The following MYO9B variants were observed in gnomAD, a reference collection of about 807,000 sequenced individuals.
MYO9B encodes unconventional myosin-IXb.
A neutral mutation model predicts 229.5 loss-of-function variants in MYO9B; 71 were observed. The ratio of observed to expected loss-of-function variants is 0.31; its 90% CI spans 0.26 to 0.38. The LOEUF is 0.38. Ranked by LOEUF, MYO9B falls within the 10% of genes least tolerant of loss-of-function variation. The probability of loss-of-function intolerance (pLI) is 1.00; values close to 1 mark genes in which losing one functional copy is unlikely to be tolerated. For missense variants in MYO9B, 2,255 were observed against 2,920.5 expected, an observed-to-expected ratio of 0.77 and a Z score of 5.25; for synonymous variants, 1,185 against 1,235.8, an observed-to-expected ratio of 0.96 and a Z score of 0.86.
At chr19:17,174,349 ATCGGTCTGCCAGGTGCAGTGGC>A (rs1405531968) in intron 13 of MYO9B, among the ~76,000 whole-genome samples, 1 of 151,968 alleles carries the variant, frequency 6.6e-6, no homozygotes, top group Non-Finnish European at 1.5e-5. Flanking sequence ...GCTTTTTAAG[ATCGGTCTGCCAGGTGCAGTGGC>A]TCAAGCCTGA....
At chr19:17,188,993 CA>C (rs34367144) in intron 19 of MYO9B, among the ~76,000 whole-genome samples, 81,695 of 126,364 alleles carry the variant, frequency 0.65, 24,632 homozygotes, top group East Asian at 0.74. Flanking sequence ...ACTAAAAATA[CA>C]AAAAAAAAAA....
intron 11 of MYO9B, among the ~76,000 whole-genome samples, chr19:17,169,879 C>T (rs927443084): frequency 7.1e-6 from 1 of 141,678 alleles, no homozygotes; most frequent in Non-Finnish European, 1.5e-5. Flanking sequence ...GGTAGTGGCG[C>T]CATCTTGGCT....
chr19:17,191,748 G>T (rs2072987460), intron 20 of MYO9B, among the ~76,000 whole-genome samples: 2 of 152,066 alleles, frequency 1.3e-5, no homozygotes, highest in Admixed American at 1.3e-4. Flanking sequence ...GGCTGAGGTG[G>T]GAGGATCCCT....
chr19:17,209,740 T>A, intron 36 of MYO9B, 31 bp downstream of exon 36: 1 of 1,610,822 alleles, frequency 6.2e-7, no homozygotes, highest in South Asian at 1.1e-5. Context: ...GGGCGGGACC[T>A]CTTTGGTGGG....
Position 17,101,830 on chromosome 19 carries a change from C to T in MYO9B, c.113C>T (p.Ala38Val). 1.2e-6 allele frequency: 2 copies of T among 1,610,602 alleles called. No homozygotes were observed. Among genetic ancestry groups the T allele is most frequent in the Non-Finnish European group, 8.5e-7 (1 of 1,179,458 alleles). Residue 38 changes from alanine to valine, a missense_variant, in exon 2 of 40, where the codon GCC (alanine) becomes GTC (valine). Ala to Val is a moderately conservative substitution (Grantham distance 64). Transcript: ENST00000682292. The surrounding 1 kb of genome is among the most constrained non-coding windows in gnomAD (Gnocchi z 4.7). Reference sequence around the variant, plus strand: ...AGCCAGGCCTCGTGCCGCGTGACTGCCACCAAGGACAGCACCACCTCGGAC... The same window carrying T: ...AGCCAGGCCTCGTGCCGCGTGACTGTCACCAAGGACAGCACCACCTCGGAC... ...TESQASCRVT[A>V]TKDSTTSDVI...
intron 1 of MYO9B, among the ~76,000 whole-genome samples, chr19:17,080,627 GGAGGCTGAGGCAGGAGGATCACTT>G (rs2057525881): frequency 6.6e-6 from 1 of 152,116 alleles, no homozygotes; most frequent in African/African-American, 2.4e-5. Flanking sequence ...CAGCCCTTTG[GGAGGCTGAGGCAGGAGGATCACTT>G]GAGGCCAGGA....
At position 17,202,043 on chromosome 19, in the gene MYO9B, T is replaced by G. The variant is rs746546183; in HGVS notation, c.4662+19T>G. 4.3e-6 allele frequency: 7 copies of G among 1,611,214 alleles called. No homozygotes were observed. ...TGTCCCGGTATGTGGCGGCCCGGCC[T>G]TCAGCCTTTCCCATACCCTGCTCAG... On this transcript the variant is annotated intron_variant, in intron 27 of 39. Coordinates refer to ENST00000682292, the MANE Select transcript of MYO9B (RefSeq NM_004145.4).
At chr19:17,084,820 G>A (rs550743859) in intron 1 of MYO9B, among the ~76,000 whole-genome samples, 13 of 151,630 alleles carry the variant, frequency 8.6e-5, no homozygotes, top group South Asian at 8.4e-4. Context: ...CAAAACAATC[G>A]CTTGAACCCG....
At position 17,206,169 on chromosome 19, in the gene MYO9B, G is replaced by A; in HGVS notation, c.5257+17G>A. On this transcript the variant is annotated intron_variant, in intron 32 of 39. Transcript: ENST00000682292. ...TGCAGACAGGTGGGCGCTGTGGGCA[G>A]GTGGGTGCAGTGCCAGGCCCCAGGC... The A allele has an allele frequency of 2.5e-6, 4 of 1,609,368 alleles. No individual in the cohort carries two copies. Among genetic ancestry groups the A allele is most frequent in the Non-Finnish European group, 3.4e-6 (4 of 1,178,924 alleles).
intron 2 of MYO9B, among the ~76,000 whole-genome samples, chr19:17,133,457 T>C (rs2072228434): frequency 6.6e-6 from 1 of 152,000 alleles, no homozygotes; most frequent in African/African-American, 2.4e-5. Context: ...GTATTCTACT[T>C]TCTACTTCCG....
At chr19:17,194,436 C>A in intron 21 of MYO9B, 120 bp from the exon 22 acceptor site, 1 of 1,108,232 alleles carries the variant, frequency 9.0e-7, no homozygotes, top group Non-Finnish European at 1.3e-6. Flanking sequence ...TCTCTCAGGG[C>A]CACTGGGCAC....
intron 1 of MYO9B, among the ~76,000 whole-genome samples, chr19:17,099,890 G>T (rs1257643890): frequency 6.6e-6 from 1 of 151,254 alleles, no homozygotes; most frequent in Non-Finnish European, 1.5e-5. Flanking sequence ...GGCCGAGGAG[G>T]ATGGATCACC....
chr19:17,212,995 A>C lies in MYO9B; in HGVS notation c.*685A>C, dbSNP rs2073248655. 6.6e-6 allele frequency: 1 copy of C among 152,288 alleles called. No individual in the cohort carries two copies. Among genetic ancestry groups the C allele is most frequent in the South Asian group, 2.1e-4 (1 of 4,834 alleles). 9.4% of individuals were successfully genotyped at this position (152,288 alleles called of 1,614,324 possible). ...GCACCATGGACCTCACGTGCCAGGG[A>C]GACTTGAATGTGGCTGTCACTCTTC... On this transcript the variant is annotated 3_prime_UTR_variant, in exon 40 of 40. Transcript: ENST00000682292. This position sits in a 1 kb window ranked among gnomAD's most constrained non-coding sequence, Gnocchi z 5.4.
chr19:17,154,518 G>C (rs1599375622), intron 6 of MYO9B, 103 bp downstream of exon 6: 1 of 830,808 alleles, frequency 1.2e-6, no homozygotes. Context: ...AGTGAAAACA[G>C]GCAGGCAGTG....
intron 1 of MYO9B, among the ~76,000 whole-genome samples, chr19:17,098,671 A>G (rs1459221189): frequency 6.6e-6 from 1 of 152,158 alleles, no homozygotes. Flanking sequence ...ACTCATCCCT[A>G]TAATCTCAGC....
intron 2 of MYO9B, among the ~76,000 whole-genome samples, chr19:17,118,399 C>G (rs188752915): frequency 1.3e-5 from 2 of 151,712 alleles, no homozygotes; most frequent in South Asian, 2.1e-4. Context: ...CATAGGAGTT[C>G]GAGACCAGCA....
chr19:17,153,878 C>A, intron 4 of MYO9B, 89 bp from the exon 5 acceptor site: 1 of 911,948 alleles, frequency 1.1e-6, no homozygotes, highest in Non-Finnish European at 1.8e-6. Flanking sequence ...TTGAGGTGTG[C>A]TCTCCAAAGC....
Position 17,172,868 on chromosome 19 carries a change from T to A in MYO9B, c.2045T>A (p.Val682Glu). The A allele has an allele frequency of 6.2e-7, 1 of 1,607,662 alleles. No homozygotes were observed. The highest frequency in any genetic ancestry group is 8.5e-7 in the Non-Finnish European group (1 of 1,179,762). The change falls in exon 13 of 40, where the codon GTG becomes GAG. Residue 682 changes from valine to glutamate, a missense_variant. Around this residue, in one of 7 missense-constraint regions of MYO9B, gnomAD observed 220 missense variants for 404.5 expected, o/e 0.54. Transcript: ENST00000682292. The surrounding 1 kb of genome is among the most constrained non-coding windows in gnomAD (Gnocchi z 8.2). ...RELIGMDPVAVFRWAVLRAAI... is the reference protein window; with the variant it reads ...RELIGMDPVAEFRWAVLRAAI... ...CTCATCGGCATGGACCCCGTGGCCG[T>A]GTTCCGCTGGGCCGTGCTCCGGGCT...
chr19:17,162,251 G>A (rs1432887015), intron 8 of MYO9B, 99 bp from the exon 9 acceptor site: 1 of 958,730 alleles, frequency 1.0e-6, no homozygotes, highest in African/African-American at 1.6e-5. Context: ...GTTGCAGTGA[G>A]CCGAGATCAT....
Sources: allele counts gnomAD v4.1 joint callset (sites outside exome capture counted in the v4.1 genomes callset), GRCh38; gene constraint gnomAD v4.1.1; regional missense constraint gnomAD v4.1.1; non-coding constraint Gnocchi (gnomAD v3.1); transcripts MANE v1.5; gene names NCBI Gene and HGNC (gene_info 2026-07-23, HGNC 2026-07-21).